The following ZFHX3 variants were observed in gnomAD, a reference collection of about 807,000 sequenced individuals.
ZFHX3 encodes zinc finger homeobox protein 3.
ZFHX3 carries 42 observed loss-of-function variants against 279.1 expected under a neutral mutation model. The ratio of observed to expected loss-of-function variants is 0.15; its 90% CI spans 0.12 to 0.19. The LOEUF (loss-of-function observed/expected upper bound fraction) is 0.19, where lower values mean the gene tolerates loss of function less well. Ranked by LOEUF, ZFHX3 falls within the 10% of genes least tolerant of loss-of-function variation. The probability of loss-of-function intolerance (pLI) is 1.00; values close to 1 mark genes in which losing one functional copy is unlikely to be tolerated. For synonymous variants in ZFHX3, 2,293 were observed against 1,957.8 expected (o/e 1.17, Z -4.52); for missense variants, 4,981 against 4,754.0 (o/e 1.05, Z -1.40).
At chr16:72,902,806 G>A (rs1438807148) in intron 3 of ZFHX3, among the ~76,000 whole-genome samples, 1 of 152,092 alleles carries the variant, frequency 6.6e-6, no homozygotes, top group Non-Finnish European at 1.5e-5. Context: ...TTTCATGGAC[G>A]GGCCTTAGCA....
rs1012383926 is a variant in ZFHX3, at chr16:73,252,017, G to A, written c.-1104+5030C>T. Among the ~76,000 whole-genome samples the A allele has an allele frequency of 2.9e-5, 4 of 136,370 alleles. No homozygotes were observed. The South Asian group carries it at 8.7e-4, about 30-fold the overall frequency. 89.5% of individuals were successfully genotyped at this position (136,370 alleles called of 152,430 possible). A position where few individuals can be genotyped will look rare whatever the true frequency, so the allele number is the denominator to read the frequency against. ...CACACAAACACACACACCTCTTTAT[G>A]TCTTTGGGGGTCAGTGAGGGGTGGG... is the stretch of plus-strand genomic sequence containing the variant. On this transcript the variant is annotated intron_variant, in intron 5 of 17. Transcript: ENST00000641206.
At chr16:73,337,813 CCT>C (rs2015942794) in intron 3 of ZFHX3, among the ~76,000 whole-genome samples, 1 of 146,576 alleles carries the variant, frequency 6.8e-6, no homozygotes, top group Admixed American at 7.1e-5. Flanking sequence ...TAGAAGCATC[CCT>C]CTCTTTTTAA....
chr16:73,553,184 G>A (rs1397790994), intron 2 of ZFHX3, among the ~76,000 whole-genome samples: 4 of 150,378 alleles, frequency 2.7e-5, no homozygotes, highest in South Asian at 2.1e-4. Flanking sequence ...AAAAGAAGTC[G>A]TGTAACTCCT....
intron 2 of ZFHX3, among the ~76,000 whole-genome samples, chr16:73,505,201 A>G (rs2019304775): frequency 6.6e-6 from 1 of 152,188 alleles, no homozygotes; most frequent in Admixed American, 6.5e-5. Flanking sequence ...TGCTTGAAAA[A>G]ATACAATAAA....
intron 1 of ZFHX3, among the ~76,000 whole-genome samples, chr16:73,840,906 A>G (rs1961287504): frequency 1.3e-5 from 2 of 152,186 alleles, no homozygotes; most frequent in South Asian, 4.1e-4. Context: ...TAGGTAAAGG[A>G]AACTGCTCCA....
chr16:73,530,679 A>G (rs535814521), intron 2 of ZFHX3, among the ~76,000 whole-genome samples: 5 of 152,336 alleles, frequency 3.3e-5, no homozygotes, highest in East Asian at 3.9e-4. Context: ...TTCATTGATT[A>G]AGAAAAGCTC....
intron 7 of ZFHX3, among the ~76,000 whole-genome samples, chr16:73,120,516 CT>C (rs1184004318): frequency 6.6e-6 from 1 of 152,160 alleles, no homozygotes; most frequent in Non-Finnish European, 1.5e-5. Context: ...TCAAGTGATC[CT>C]TTCACTTTGG....
At chr16:72,813,875 C>T (rs758982046) in intron 5 of ZFHX3, among the ~76,000 whole-genome samples, 19 of 152,322 alleles carry the variant, frequency 1.2e-4, no homozygotes, top group Middle Eastern at 3.4e-3. Flanking sequence ...TGGAACGTCG[C>T]GTTGCAGGTT....
At chr16:73,275,113 G>A (rs148228794) in intron 4 of ZFHX3, among the ~76,000 whole-genome samples, 1 of 152,160 alleles carries the variant, frequency 6.6e-6, no homozygotes, top group Admixed American at 6.5e-5. Flanking sequence ...CCGATTCCAG[G>A]TTGCCATTTC....
intron 2 of ZFHX3, chr16:73,483,446 T>TA: frequency 2.2e-6 from 1 of 452,584 alleles, no homozygotes; most frequent in South Asian, 1.6e-5. Context: ...AATCAAGAAA[T>TA]AAAAGCATGG....
At chr16:73,084,054 C>T (rs562397911) in intron 8 of ZFHX3, among the ~76,000 whole-genome samples, 8 of 152,238 alleles carry the variant, frequency 5.3e-5, no homozygotes, top group East Asian at 3.9e-4. Flanking sequence ...GTAGAGGCCA[C>T]GATTCTGATA....
intron 1 of ZFHX3, among the ~76,000 whole-genome samples, chr16:73,686,009 T>C (rs1218224402): frequency 1.3e-5 from 2 of 152,264 alleles, no homozygotes; most frequent in Admixed American, 6.5e-5. Flanking sequence ...AATTAAACAG[T>C]TGTCTTTATG....
intron 3 of ZFHX3, among the ~76,000 whole-genome samples, chr16:73,348,740 C>A (rs1016866348): frequency 6.6e-6 from 1 of 152,202 alleles, no homozygotes; most frequent in African/African-American, 2.4e-5. Context: ...CTTGTGGGAC[C>A]CACATTCCCG....
At chr16:73,523,763 C>A (rs1252797614) in intron 2 of ZFHX3, among the ~76,000 whole-genome samples, 1 of 151,930 alleles carries the variant, frequency 6.6e-6, no homozygotes, top group Admixed American at 6.6e-5. Context: ...TACCTCGTTC[C>A]TGTTCTGATG....
intron 7 of ZFHX3, chr16:73,098,588 C>G (rs1466875994): frequency 6.6e-6 from 1 of 152,386 alleles, no homozygotes; most frequent in Non-Finnish European, 1.5e-5. Flanking sequence ...TCTTGAACTC[C>G]TGACCTCAGG....
intron 8 of ZFHX3, among the ~76,000 whole-genome samples, chr16:73,079,570 C>T (rs1301828871): frequency 2.0e-5 from 3 of 152,052 alleles, no homozygotes; most frequent in Admixed American, 1.3e-4. Flanking sequence ...AACTCCTGGC[C>T]TCAAGTGATC....
chr16:73,020,570 C>T (rs780715140), intron 1 of ZFHX3, among the ~76,000 whole-genome samples: 2 of 152,176 alleles, frequency 1.3e-5, no homozygotes, highest in African/African-American at 2.4e-5. Context: ...CGGCCAGGCC[C>T]GTGGTGTTGA....
intron 4 of ZFHX3, among the ~76,000 whole-genome samples, chr16:73,296,939 C>T (rs1474049516): frequency 3.0e-5 from 4 of 133,712 alleles, no homozygotes; most frequent in Non-Finnish European, 4.6e-5. Context: ...AGTTCAGTGG[C>T]GCTATCTCGG....
upstream of ZFHX3, chr16:73,061,577 G>T (rs1315368160): frequency 6.6e-6 from 1 of 151,812 alleles, no homozygotes; most frequent in Non-Finnish European, 1.5e-5. Context: ...GGGCAGGTCA[G>T]TGTAAAATGT....
Sources: allele counts gnomAD v4.1 joint callset (sites outside exome capture counted in the v4.1 genomes callset), GRCh38; gene constraint gnomAD v4.1.1; transcripts MANE v1.5; gene names NCBI Gene and HGNC (gene_info 2026-07-23, HGNC 2026-07-21).